Variants in SFI1 observed in about 807,000 individuals in gnomAD.
SFI1 encodes SFI1 centrin binding protein, also known as protein SFI1 homolog.
In SFI1, 195 loss-of-function variants were observed where a neutral mutation model predicts 207.5. That is an observed-to-expected ratio of 0.94 (90% CI 0.84 to 1.06). The LOEUF (loss-of-function observed/expected upper bound fraction) is 1.06. Ranked by LOEUF, SFI1 falls within the 50% of genes least tolerant of loss-of-function variation. The probability of loss-of-function intolerance (pLI) is 0.00; values close to 1 mark genes in which losing one functional copy is unlikely to be tolerated. For synonymous variants in SFI1, 630 were observed against 598.9 expected (o/e 1.05, Z -0.76); for missense variants, 1,634 against 1,588.0 (o/e 1.03, Z -0.49).
At chr22:31,508,067 C>T (rs1362393707) in intron 1 of SFI1, among the ~76,000 whole-genome samples, 188 bp from the exon 2 acceptor site, 1 of 151,750 alleles carries the variant, frequency 6.6e-6, no homozygotes, top group Non-Finnish European at 1.5e-5. Context: ...AAGAGCAAGA[C>T]TTCGTCTCAA....
At chr22:31,604,281 C>T (rs549089105) in intron 18 of SFI1, 28 bp from the exon 19 acceptor site, 30 of 1,546,120 alleles carry the variant, frequency 1.9e-5, no homozygotes, top group Middle Eastern at 1.7e-4. Flanking sequence ...CCCCAGCCCA[C>T]GGTAGCTGCT....
chr22:31,568,214 ATATATATATATATTT>A (rs1484587423), intron 8 of SFI1, among the ~76,000 whole-genome samples: 1 of 111,224 alleles, frequency 9.0e-6, no homozygotes, highest in Non-Finnish European at 2.0e-5. Flanking sequence ...GTGTGTGTAT[ATATATATATATATTT>A]TTTTTTTTTT....
At chr22:31,513,950 A>G (rs1156631220) in intron 2 of SFI1, among the ~76,000 whole-genome samples, 2 of 151,722 alleles carry the variant, frequency 1.3e-5, no homozygotes, top group African/African-American at 2.4e-5. Context: ...CCTGGCTGAC[A>G]TGGCAAGACC....
intron 21 of SFI1, among the ~76,000 whole-genome samples, chr22:31,607,295 T>C (rs539486905): frequency 6.6e-6 from 1 of 152,238 alleles, no homozygotes; most frequent in South Asian, 2.1e-4. Context: ...GACGTAGGTG[T>C]GTTCCATTTA....
chr22:31,602,580 T>C (rs376690682), intron 16 of SFI1, 27 bp from the exon 17 acceptor site: 4 of 1,611,932 alleles, frequency 2.5e-6, no homozygotes, highest in Non-Finnish European at 3.4e-6. Context: ...TGATTTATTC[T>C]GTTCTCTCCT....
At chr22:31,505,986 A>T in intron 1 of SFI1, among the ~76,000 whole-genome samples, 1 of 150,472 alleles carries the variant, frequency 6.6e-6, no homozygotes, top group South Asian at 2.1e-4. Context: ...GAGGAGGTCG[A>T]GGCTGCAGTG....
chr22:31,614,440 C>A, intron 27 of SFI1: 1 of 445,510 alleles, frequency 2.2e-6, no homozygotes, highest in Non-Finnish European at 4.3e-6. Flanking sequence ...GCCTGGGTCC[C>A]GGTCCCTGCT....
At chr22:31,593,549 C>T (rs1455724925) in intron 15 of SFI1, among the ~76,000 whole-genome samples, 7 of 120,234 alleles carry the variant, frequency 5.8e-5, no homozygotes, top group African/African-American at 1.3e-4. Flanking sequence ...ACATCCCAGA[C>T]GATGGGCGGC....
At chr22:31,586,316 C>T (rs1249246421) in intron 14 of SFI1, among the ~76,000 whole-genome samples, 1 of 152,202 alleles carries the variant, frequency 6.6e-6, no homozygotes, top group Non-Finnish European at 1.5e-5. Context: ...TGTTCACTGG[C>T]TTCTCTTTCC....
intron 31 of SFI1, 81 bp from the exon 32 acceptor site, chr22:31,618,034 A>T: frequency 6.9e-7 from 1 of 1,446,118 alleles, no homozygotes; most frequent in Non-Finnish European, 9.3e-7. Context: ...CATCAGAATT[A>T]GCTGAGGTGC....
In SFI1 at chr22:31,612,615, G is replaced by A. The variant is rs996196996; in HGVS notation, c.2491-527G>A. On this transcript the variant is annotated intron_variant, in intron 24 of 32. Transcript: ENST00000400288. ...TGCACACCTGTGGTCCCAACTACTC[G>A]GGAGGCTGAGGCGGGAGGATTGCTT... Among the ~76,000 whole-genome samples, 6 of 151,640 alleles carry A rather than the reference G, an allele frequency of 4.0e-5. No individual in the cohort carries two copies. The East Asian group carries it at 5.8e-4, about 15-fold the overall frequency.
At chr22:31,506,221 T>G (rs973649019) in intron 1 of SFI1, among the ~76,000 whole-genome samples, 4 of 152,030 alleles carry the variant, frequency 2.6e-5, no homozygotes, top group Non-Finnish European at 5.9e-5. Context: ...CTCATTTTTG[T>G]ACTTTTAGTA....
chr22:31,502,436 G>A (rs193030433), intron 1 of SFI1, among the ~76,000 whole-genome samples: 5 of 151,660 alleles, frequency 3.3e-5, no homozygotes, highest in Admixed American at 2.0e-4. Context: ...GTGTAATGGC[G>A]TGATCTCGGC....
At chr22:31,581,003 C>A (rs1415589584) in intron 12 of SFI1, among the ~76,000 whole-genome samples, 1 of 152,028 alleles carries the variant, frequency 6.6e-6, no homozygotes, top group African/African-American at 2.4e-5. Context: ...CAAATACTTT[C>A]TTTTTTTCTT....
intron 2 of SFI1, among the ~76,000 whole-genome samples, chr22:31,509,014 A>G (rs1317590453): frequency 4.6e-5 from 7 of 152,122 alleles, no homozygotes; most frequent in Non-Finnish European, 8.8e-5. Context: ...ATTTTGTCAC[A>G]TGGTTTTTGT....
At chr22:31,497,911 A>G (rs545969996) in intron 1 of SFI1, among the ~76,000 whole-genome samples, 2 of 152,356 alleles carry the variant, frequency 1.3e-5, no homozygotes, top group Middle Eastern at 3.4e-3. Context: ...CAAAGAGATT[A>G]ATGTTACTTT....
At chr22:31,600,552 C>G (rs1323975927) in intron 15 of SFI1, among the ~76,000 whole-genome samples, 1 of 152,182 alleles carries the variant, frequency 6.6e-6, no homozygotes, top group Non-Finnish European at 1.5e-5. Context: ...CTGGGACAAC[C>G]TCAGTAAAAT....
At chr22:31,608,314 C>A (rs1202260473) in intron 22 of SFI1, among the ~76,000 whole-genome samples, 2 of 152,142 alleles carry the variant, frequency 1.3e-5, no homozygotes, top group Non-Finnish European at 2.9e-5. Context: ...TCTTGCTTGT[C>A]ATGGCTTTCC....
At chr22:31,552,864 A>G (rs1404658984) in intron 6 of SFI1, among the ~76,000 whole-genome samples, 5 of 129,728 alleles carry the variant, frequency 3.9e-5, no homozygotes, top group African/African-American at 1.4e-4. Context: ...TTTTAAAGAC[A>G]GGGGATGTCT....
Sources: allele counts gnomAD v4.1 joint callset (sites outside exome capture counted in the v4.1 genomes callset), GRCh38; gene constraint gnomAD v4.1.1; transcripts MANE v1.5; gene names NCBI Gene and HGNC (gene_info 2026-07-23, HGNC 2026-07-21).